The following PTPRO variants were observed in gnomAD, a reference collection of about 807,000 sequenced individuals.
PTPRO encodes receptor-type tyrosine-protein phosphatase O.
PTPRO carries 62 observed loss-of-function variants against 145.2 expected under a neutral mutation model. That is an observed-to-expected ratio of 0.43 (90% CI 0.35 to 0.53). PTPRO has a LOEUF of 0.53. Ranked by LOEUF, PTPRO falls within the 20% of genes least tolerant of loss-of-function variation. PTPRO has a pLI of 0.01. For synonymous variants in PTPRO, 565 were observed against 514.7 expected (o/e 1.10, Z -1.32); for missense variants, 1,345 against 1,482.7 (o/e 0.91, Z 1.53).
Position 15,499,410 on chromosome 12 carries a change from T to C in PTPRO, c.509-32T>C, listed in dbSNP as rs200685327. 3.7e-6 allele frequency: 6 copies of C among 1,600,038 alleles called. No homozygotes were observed. In the East Asian group the frequency reaches 6.7e-5, roughly 18 times the overall value. ...GAAGTGTGTGATGTTTAGAAGACCATATTTTTCATGTAATTGATTTTCTCT... is the reference window on the plus strand; with the variant it reads ...GAAGTGTGTGATGTTTAGAAGACCACATTTTTCATGTAATTGATTTTCTCT... On this transcript the variant is annotated intron_variant, in intron 3 of 26. Transcript: ENST00000281171.
Position 15,454,272 on chromosome 12 carries a change from T to G in PTPRO, c.76-29702T>G, listed in dbSNP as rs183374337. 5.2e-3 allele frequency among the ~76,000 whole-genome samples: 786 copies of G among 152,326 alleles called. 2 individuals are homozygous for G. Among genetic ancestry groups the G allele is most frequent in the Non-Finnish European group, 7.9e-3 (540 of 68,010 alleles). ...TGCCATCCCAACAGTTGTGCAATGA[T>G]AAGTCACTGTGGACTTGATTTGCAT... On this transcript the variant is annotated intron_variant, in intron 1 of 26. Coordinates refer to ENST00000281171, the MANE Select transcript of PTPRO (RefSeq NM_030667.3).
intron 1 of PTPRO, among the ~76,000 whole-genome samples, chr12:15,380,817 C>T (rs1310790154): frequency 1.3e-5 from 2 of 152,034 alleles, no homozygotes; most frequent in African/African-American, 4.8e-5. Flanking sequence ...GCTAAAGAAA[C>T]TTAGACCAAA....
chr12:15,525,114 T>C (rs775433182), intron 11 of PTPRO, 149 bp downstream of exon 11: 10 of 937,910 alleles, frequency 1.1e-5, no homozygotes, highest in Non-Finnish European at 1.3e-5. Flanking sequence ...TGAACAAAAA[T>C]TGAATTCTTC....
intron 12 of PTPRO, among the ~76,000 whole-genome samples, chr12:15,534,207 G>C (rs1943022104): frequency 6.6e-6 from 1 of 151,818 alleles, no homozygotes; most frequent in South Asian, 2.1e-4. Flanking sequence ...TTCTAGTCTT[G>C]GTGAATCAAC....
chr12:15,449,055 AT>A (rs1940981756), intron 1 of PTPRO, among the ~76,000 whole-genome samples: 1 of 151,924 alleles, frequency 6.6e-6, no homozygotes, highest in Non-Finnish European at 1.5e-5. Flanking sequence ...CAAATAGGGC[AT>A]CCCCCAGAAT....
At chr12:15,477,193 C>G (rs1430639820) in intron 1 of PTPRO, among the ~76,000 whole-genome samples, 1 of 89,348 alleles carries the variant, frequency 1.1e-5, no homozygotes, top group Non-Finnish European at 2.2e-5. Context: ...GAGTTCATGT[C>G]CTTTGTAGGG....
At chr12:15,452,832 C>T (rs1346498143) in intron 1 of PTPRO, among the ~76,000 whole-genome samples, 1 of 152,126 alleles carries the variant, frequency 6.6e-6, no homozygotes, top group East Asian at 1.9e-4. Flanking sequence ...AAATCTGATT[C>T]ACAATCATTA....
chr12:15,454,738 C>T (rs1306039028), intron 1 of PTPRO, among the ~76,000 whole-genome samples: 1 of 152,178 alleles, frequency 6.6e-6, no homozygotes, highest in East Asian at 1.9e-4. Flanking sequence ...GTCTTCAATA[C>T]ATTTTGAAAT....
intron 12 of PTPRO, among the ~76,000 whole-genome samples, chr12:15,543,636 C>T (rs1039604412): frequency 2.0e-5 from 3 of 152,076 alleles, no homozygotes; most frequent in South Asian, 2.1e-4. Flanking sequence ...CAAATGAAGA[C>T]AAAGTCATTT....
chr12:15,342,847 C>T (rs1395632307), intron 1 of PTPRO, among the ~76,000 whole-genome samples: 1 of 152,114 alleles, frequency 6.6e-6, no homozygotes, highest in African/African-American at 2.4e-5. Context: ...TTTCCCATTG[C>T]AGTTTGTCAG....
chr12:15,520,820 C>T (rs1478534692), intron 10 of PTPRO, among the ~76,000 whole-genome samples: 2 of 152,042 alleles, frequency 1.3e-5, no homozygotes, highest in African/African-American at 4.8e-5. Flanking sequence ...ACCTTGAGCA[C>T]GTTAACTTTT....
At chr12:15,510,069 G>T (rs1242152426) in intron 7 of PTPRO, among the ~76,000 whole-genome samples, 4 of 152,240 alleles carry the variant, frequency 2.6e-5, no homozygotes, top group African/African-American at 9.6e-5. Flanking sequence ...CAATTCTTGT[G>T]GAGTACGTTG....
chr12:15,373,740 T>G (rs899313077), intron 1 of PTPRO, among the ~76,000 whole-genome samples: 2 of 152,184 alleles, frequency 1.3e-5, no homozygotes, highest in Admixed American at 6.5e-5. Flanking sequence ...TTCATCCTTC[T>G]TGTTTACTAG....
intron 12 of PTPRO, among the ~76,000 whole-genome samples, chr12:15,542,482 G>A (rs2135541936): frequency 6.6e-6 from 1 of 152,322 alleles, no homozygotes; most frequent in South Asian, 2.1e-4. Flanking sequence ...GCACTGAGCT[G>A]GCCTTGACTT....
chr12:15,586,898 C>T lies in PTPRO; in HGVS notation c.3257C>T (p.Ala1086Val), dbSNP rs1274829624. 6.2e-6 allele frequency: 10 copies of T among 1,613,848 alleles called. No individual in the cohort carries two copies. Among genetic ancestry groups the T allele is most frequent in the Non-Finnish European group, 8.5e-6 (10 of 1,179,958 alleles). Reference sequence around the variant, plus strand: ...TGTTTTTGGCTTTTTTCTCTAAAGGCTGACGAGATGCAGGATGTGATGCAT... The same window carrying T: ...TGTTTTTGGCTTTTTTCTCTAAAGGTTGACGAGATGCAGGATGTGATGCAT... ...WACRHFRINY[A>V]DEMQDVMHFN... Residue 1086 changes from alanine to valine, a missense_variant and splice_region_variant, in exon 24 of 27, where the codon GCT becomes GTT. Physicochemically the swap from Ala to Val is moderately conservative, Grantham distance 64. Around this residue, in one of 3 missense-constraint regions of PTPRO, gnomAD observed 208 missense variants for 242.8 expected, o/e 0.86. Coordinates refer to ENST00000281171, the MANE Select transcript of PTPRO (RefSeq NM_030667.3).
At chr12:15,370,303 CA>C (rs920000627) in intron 1 of PTPRO, among the ~76,000 whole-genome samples, 55 of 151,830 alleles carry the variant, frequency 3.6e-4, no homozygotes, top group Non-Finnish European at 7.1e-4. Flanking sequence ...TGAAATATAC[CA>C]AAAAAAGGTA....
chr12:15,586,496 C>T (rs1292614779), intron 23 of PTPRO, among the ~76,000 whole-genome samples: 4 of 152,210 alleles, frequency 2.6e-5, no homozygotes, highest in East Asian at 1.9e-4. Context: ...GAGATAGGTA[C>T]TGCTGTGCTG....
chr12:15,339,758 T>C lies in PTPRO; in HGVS notation c.75+16957T>C, dbSNP rs1296768631. On this transcript the variant is annotated intron_variant, in intron 1 of 26. Transcript: ENST00000281171. ...ATATCCTCTGCATGTGACTAAAAAT[T>C]TGCCATCGTTTACTGTAGTAATTAC... Among the ~76,000 whole-genome samples the C allele has an allele frequency of 2.0e-5, 3 of 152,152 alleles. No individual in the cohort carries two copies. In the East Asian group the frequency reaches 5.8e-4, roughly 29 times the overall value.
Position 15,548,200 on chromosome 12 carries a change from G to A in PTPRO, c.2305-894G>A, listed in dbSNP as rs977644021. Among the ~76,000 whole-genome samples the A allele has an allele frequency of 4.4e-5, 6 of 136,130 alleles. No individual in the cohort carries two copies. In the East Asian group the frequency reaches 8.5e-4, roughly 19 times the overall value. The allele number at this position is 136,130 out of a possible 152,430, so 89.3% of individuals were successfully genotyped here. A position where few individuals can be genotyped will look rare whatever the true frequency, so the allele number is the denominator to read the frequency against. ...TGAAAACTTCAGCAACCTCACTTAC[G>A]GTAAAAAAAAAATGCAAAATAAAAC... On this transcript the variant is annotated intron_variant, in intron 13 of 26. Coordinates refer to ENST00000281171, the MANE Select transcript of PTPRO (RefSeq NM_030667.3).
Sources: gnomAD v4.1 joint callset for allele counts (sites outside exome capture counted in the v4.1 genomes callset) on GRCh38, gnomAD v4.1.1 for gene constraint, gnomAD v4.1.1 regional missense constraint, MANE v1.5 for transcripts, NCBI Gene and HGNC (gene_info 2026-07-23, HGNC 2026-07-21) for gene names.